EPAS1: variants seen among roughly 807,000 people sequenced by gnomAD.
EPAS1 encodes the protein endothelial PAS domain protein 1, also known as endothelial PAS domain-containing protein 1.
In EPAS1, 23 loss-of-function variants were observed where a neutral mutation model predicts 87.9. That is an observed-to-expected ratio of 0.26 (90% confidence interval 0.19 to 0.37). The LOEUF (loss-of-function observed/expected upper bound fraction) is 0.37. Among genes scored for constraint, EPAS1 ranks in the 10% least tolerant of loss-of-function variants. The probability of loss-of-function intolerance (pLI) is 1.00; values close to 1 mark genes in which losing one functional copy is unlikely to be tolerated. For synonymous variants in EPAS1, 508 were observed against 444.3 expected (o/e 1.14, Z -1.80); for missense variants, 1,138 against 1,120.7 (o/e 1.02, Z -0.22).
intron 1 of EPAS1, among the ~76,000 whole-genome samples, chr2:46,342,601 C>T (rs181954139): frequency 6.6e-6 from 1 of 152,148 alleles, no homozygotes; most frequent in Non-Finnish European, 1.5e-5. Flanking sequence ...GGCAGCCAAC[C>T]CCTCTGTGTT....
rs1377534562 is a variant in EPAS1 at position 46,346,719 on chromosome 2, G to C, written c.27-154G>C. On this transcript the variant is annotated intron_variant, in intron 1 of 15. Coordinates refer to ENST00000263734, the MANE Select transcript of EPAS1 (RefSeq NM_001430.5). This position sits in a 1 kb window ranked among gnomAD's most constrained non-coding sequence, Gnocchi z 4.0. ...AAAGCAGAGCTAACAATACAAAGCAGGTTGTGTGTGGCTCAGACAACTGGT... is the reference window on the plus strand; with the variant it reads ...AAAGCAGAGCTAACAATACAAAGCACGTTGTGTGTGGCTCAGACAACTGGT... Among the ~76,000 whole-genome samples the C allele has an allele frequency of 1.3e-5, 2 of 152,240 alleles. No individual in the cohort carries two copies. Among genetic ancestry groups the C allele is most frequent in the Admixed American group, 6.5e-5 (1 of 15,286 alleles).
rs116510029 is a variant in EPAS1 at position 46,376,524 on chromosome 2, T to C, written c.1035-15T>C. ...AAAATGTGGAAAGTCTGAATGGCTC[T>C]TTCCCCCCCATTAGTGAGATTGAGA... On this transcript the variant is annotated splice_polypyrimidine_tract_variant and intron_variant, in intron 8 of 15. Coordinates refer to ENST00000263734, the MANE Select transcript of EPAS1 (RefSeq NM_001430.5). The C allele has an allele frequency of 0.031, 49,806 of 1,613,214 alleles. 896 individuals are homozygous for C. Among genetic ancestry groups the C allele is most frequent in the Non-Finnish European group, 0.037 (43,759 of 1,179,214 alleles).
At chr2:46,301,399 A>AT (rs1553387621) in intron 1 of EPAS1, among the ~76,000 whole-genome samples, 1 of 151,924 alleles carries the variant, frequency 6.6e-6, no homozygotes, top group Non-Finnish European at 1.5e-5. Context: ...ACATGGTGAA[A>AT]CCCCGTCTCT....
Position 46,379,573 on chromosome 2 carries a change from C to T in EPAS1, c.1555-654C>T, listed in dbSNP as rs552045810. The T allele has an allele frequency of 4.3e-5, 7 of 161,510 alleles. No homozygotes were observed. The South Asian group carries it at 1.0e-3, about 24-fold the overall frequency. 10.0% of individuals were successfully genotyped at this position (161,510 alleles called of 1,614,324 possible). ...AGTATTGCAGTCATTAGTCAGCTGA[C>T]ACCCACTGAGGGTGTCAGTCTCTGA... On this transcript the variant is annotated intron_variant, in intron 11 of 15. Coordinates refer to ENST00000263734, the MANE Select transcript of EPAS1 (RefSeq NM_001430.5).
At chr2:46,336,701 C>T (rs149681594) in intron 1 of EPAS1, among the ~76,000 whole-genome samples, 2 of 152,194 alleles carry the variant, frequency 1.3e-5, no homozygotes, top group Admixed American at 6.5e-5. Context: ...GTCTCAAGAT[C>T]GCACGTGTTC....
At chr2:46,326,117 G>A (rs1385312449) in intron 1 of EPAS1, among the ~76,000 whole-genome samples, 1 of 152,174 alleles carries the variant, frequency 6.6e-6, no homozygotes, top group East Asian at 1.9e-4. Flanking sequence ...GGCATCAGTT[G>A]CCCCTGGGGA....
chr2:46,376,981 C>A (rs1441398668), intron 9 of EPAS1, among the ~76,000 whole-genome samples: 1 of 152,138 alleles, frequency 6.6e-6, no homozygotes, highest in Non-Finnish European at 1.5e-5. Flanking sequence ...AAGTGCTGTA[C>A]GAGGAGGGGT....
intron 1 of EPAS1, among the ~76,000 whole-genome samples, chr2:46,306,481 C>T (rs1683111148): frequency 6.6e-6 from 1 of 152,152 alleles, no homozygotes; most frequent in African/African-American, 2.4e-5. Context: ...GAGCCATGAG[C>T]ACAAAAGGGT....
At chr2:46,357,755 T>A (rs561199019) in intron 4 of EPAS1, among the ~76,000 whole-genome samples, 1 of 152,300 alleles carries the variant, frequency 6.6e-6, no homozygotes, top group East Asian at 1.9e-4. Context: ...TAAAAAGATG[T>A]AGCATTCAGG....
chr2:46,303,728 C>G (rs181598300), intron 1 of EPAS1, among the ~76,000 whole-genome samples: 3 of 152,284 alleles, frequency 2.0e-5, no homozygotes, highest in Admixed American at 6.5e-5. Flanking sequence ...TCTCCATAGC[C>G]TTTCAAAGGT....
intron 7 of EPAS1, among the ~76,000 whole-genome samples, chr2:46,374,066 C>T (rs1684681154): frequency 6.6e-6 from 1 of 152,238 alleles, no homozygotes; most frequent in Non-Finnish European, 1.5e-5. Context: ...TCAGATAGTT[C>T]TGAACACTGC....
intron 1 of EPAS1, among the ~76,000 whole-genome samples, chr2:46,340,127 C>G (rs1683882647): frequency 6.6e-6 from 1 of 152,130 alleles, no homozygotes; most frequent in African/African-American, 2.4e-5. Flanking sequence ...TCCACGTGTC[C>G]TCCGGTTACG....
chr2:46,297,966 G>A (rs747923872), intron 1 of EPAS1, 29 bp downstream of exon 1: 3 of 1,610,722 alleles, frequency 1.9e-6, no homozygotes, highest in African/African-American at 1.3e-5. Flanking sequence ...CGATCAGGGG[G>A]CCGGTCCGAG....
chr2:46,324,061 T>C lies in EPAS1; in HGVS notation c.27-22812T>C, dbSNP rs1683505858. ...TTAAAAGCAAGGGCAGGGTGAATTA[T>C]GGTTTTTTTGTTTGTTTGTTTTTGA... On this transcript the variant is annotated intron_variant, in intron 1 of 15. Coordinates refer to ENST00000263734, the MANE Select transcript of EPAS1 (RefSeq NM_001430.5). Among the ~76,000 whole-genome samples the C allele has an allele frequency of 2.0e-5, 3 of 152,332 alleles. No homozygotes were observed. In the East Asian group the frequency reaches 5.8e-4, roughly 29 times the overall value.
intron 15 of EPAS1, among the ~76,000 whole-genome samples, chr2:46,383,442 T>G (rs912171377): frequency 6.6e-6 from 1 of 152,226 alleles, no homozygotes; most frequent in Non-Finnish European, 1.5e-5. Flanking sequence ...TCGTGGTTTA[T>G]GGAAAAACAT....
Position 46,375,057 on chromosome 2 carries a change from T to C in EPAS1, c.887-633T>C, listed in dbSNP as rs1558608398. Reference sequence around the variant, plus strand: ...GGGTGGTTTGCCTCTGCCTTTGCTGTGGGTCACAAACCTTCAGTGGCCCAA... The same window carrying C: ...GGGTGGTTTGCCTCTGCCTTTGCTGCGGGTCACAAACCTTCAGTGGCCCAA... On this transcript the variant is annotated intron_variant, in intron 7 of 15. Coordinates refer to ENST00000263734, the MANE Select transcript of EPAS1 (RefSeq NM_001430.5). The surrounding 1 kb of genome is among the most constrained non-coding windows in gnomAD (Gnocchi z 4.1). Among the ~76,000 whole-genome samples, 2 of 152,064 alleles carry C rather than the reference T, an allele frequency of 1.3e-5. No homozygotes were observed. Among genetic ancestry groups the C allele is most frequent in the African/African-American group, 2.4e-5 (1 of 41,410 alleles).
At position 46,375,190 on chromosome 2, in the gene EPAS1, C is replaced by G. The variant is rs56359404; in HGVS notation, c.887-500C>G. On this transcript the variant is annotated intron_variant, in intron 7 of 15. Coordinates refer to ENST00000263734, the MANE Select transcript of EPAS1 (RefSeq NM_001430.5). The surrounding 1 kb of genome is among the most constrained non-coding windows in gnomAD (Gnocchi z 4.1). Reference sequence around the variant, plus strand: ...TGGTGGGTCTGCTGAAAAAAAAAAACAAAAAAAAACAAAAAAAACTGCCCT... The same window carrying G: ...TGGTGGGTCTGCTGAAAAAAAAAAAGAAAAAAAAACAAAAAAAACTGCCCT... 1.5e-5 allele frequency among the ~76,000 whole-genome samples: 2 copies of G among 135,222 alleles called. No homozygotes were observed. The highest frequency in any genetic ancestry group is 5.3e-5 in the African/African-American group (2 of 37,746). The allele number at this position is 135,222 out of a possible 152,430, so 88.7% of individuals were successfully genotyped here. A position where few individuals can be genotyped will look rare whatever the true frequency, so the allele number is the denominator to read the frequency against.
chr2:46,381,853 T>G, intron 13 of EPAS1, 122 bp from the exon 14 acceptor site: 3 of 1,542,276 alleles, frequency 1.9e-6, no homozygotes, highest in Non-Finnish European at 2.6e-6. Context: ...CTGAGAGGGG[T>G]GGGGATGTGG....
In EPAS1 at chr2:46,356,133, A is replaced by ACCCCCCCCCCCC; in HGVS notation, c.218-8_218-7insCCCCCCCCCCCC. The ACCCCCCCCCCCC allele has an allele frequency of 8.2e-7, 1 of 1,218,722 alleles. No homozygotes were observed. Among genetic ancestry groups the ACCCCCCCCCCCC allele is most frequent in the Non-Finnish European group, 1.2e-6 (1 of 868,086 alleles). The allele number at this position is 1,218,722 out of a possible 1,614,324, so 75.5% of individuals were successfully genotyped here. A position where few individuals can be genotyped will look rare whatever the true frequency, so the allele number is the denominator to read the frequency against. ...ACTCCACATTCATGCAAGCTGTCCC[A>ACCCCCCCCCCCC]CCCCCCCCCCTTTCCAGTTTGCTCT... is the stretch of plus-strand genomic sequence containing the variant. On this transcript the variant is annotated splice_polypyrimidine_tract_variant and intron_variant, in intron 2 of 15. Coordinates refer to ENST00000263734, the MANE Select transcript of EPAS1 (RefSeq NM_001430.5).
Sources: gnomAD v4.1 joint callset for allele counts (sites outside exome capture counted in the v4.1 genomes callset) on GRCh38, gnomAD v4.1.1 for gene constraint, Gnocchi (gnomAD v3.1) non-coding constraint, MANE v1.5 for transcripts, NCBI Gene and HGNC (gene_info 2026-07-23, HGNC 2026-07-21) for gene names.